Variants in CORO2B observed in about 807,000 individuals in gnomAD.
CORO2B encodes the protein coronin 2B.
Under a neutral mutation model 58.8 loss-of-function variants are expected in CORO2B, and 26 were observed. That is an observed-to-expected ratio of 0.44 (90% CI 0.32 to 0.61). The LOEUF is 0.61. CORO2B is among the 20% of genes least tolerant of loss of function. The pLI, the probability that CORO2B is intolerant of heterozygous loss-of-function variation, is 0.04. For missense variants in CORO2B, 460 were observed against 645.1 expected (o/e 0.71, Z 3.11); for synonymous variants, 242 against 253.8 (o/e 0.95, Z 0.44).
At chr15:68,637,750 C>G (rs1014267205) in intron 1 of CORO2B, among the ~76,000 whole-genome samples, 3 of 151,702 alleles carry the variant, frequency 2.0e-5, no homozygotes, top group Admixed American at 1.3e-4. Flanking sequence ...GGGCTCCCCC[C>G]ACATTACACA....
At chr15:68,549,031 C>A in the CORO2B span, among the ~76,000 whole-genome samples, 1 of 151,838 alleles carries the variant, frequency 6.6e-6, no homozygotes, top group South Asian at 2.1e-4. Context: ...CTCCTCTTTC[C>A]CAAACCATAA....
intron 1 of CORO2B, among the ~76,000 whole-genome samples, chr15:68,641,073 C>G (rs1214943746): frequency 6.6e-6 from 1 of 152,194 alleles, no homozygotes; most frequent in African/African-American, 2.4e-5. Flanking sequence ...AAAGGCCCAG[C>G]AGAGAGAATC....
chr15:68,605,658 G>C (rs2140242054), intron 1 of CORO2B, among the ~76,000 whole-genome samples: 1 of 151,460 alleles, frequency 6.6e-6, no homozygotes, highest in East Asian at 1.9e-4. Context: ...AAAGTGAAGG[G>C]AGAATGGACA....
intron 1 of CORO2B, among the ~76,000 whole-genome samples, chr15:68,644,814 T>C (rs1901368678): frequency 6.6e-6 from 1 of 152,188 alleles, no homozygotes; most frequent in African/African-American, 2.4e-5. Context: ...GGAGGGAGTC[T>C]GTATGTGTTC....
chr15:68,539,517 A>T, the CORO2B span, among the ~76,000 whole-genome samples: 1 of 151,374 alleles, frequency 6.6e-6, no homozygotes, highest in African/African-American at 2.4e-5. Context: ...CACTAAAAAT[A>T]AAAAAAAATT....
chr15:68,551,355 G>T, the CORO2B span, among the ~76,000 whole-genome samples: 1 of 152,210 alleles, frequency 6.6e-6, no homozygotes, highest in Non-Finnish European at 1.5e-5. Context: ...CTCCCCGCAG[G>T]CCCAGGCCCA....
Position 68,727,746 on chromosome 15 carries a change from G to A in CORO2B, c.*1772G>A, listed in dbSNP as rs566104631. The stretch of plus-strand genomic sequence containing the variant: ...TCCCCATTGACCTTTGTGGTCTTCT[G>A]TGATTATTTATGCTGCCTCCCAAGG... On this transcript the variant is annotated 3_prime_UTR_variant, in exon 12 of 12. Transcript: ENST00000261861. 1 of 152,168 alleles carries A rather than the reference G, an allele frequency of 6.6e-6. No individual in the cohort carries two copies. 9.4% of individuals were successfully genotyped at this position (152,168 alleles called of 1,614,324 possible). A position where few individuals can be genotyped will look rare whatever the true frequency, so the allele number is the denominator to read the frequency against.
intron 2 of CORO2B, among the ~76,000 whole-genome samples, chr15:68,692,721 C>T (rs1892412130): frequency 6.6e-6 from 1 of 150,482 alleles, no homozygotes; most frequent in Non-Finnish European, 1.5e-5. Flanking sequence ...GCAACCCTCG[C>T]CTCCTAGGTT....
chr15:68,719,290 G>A (rs533662563), intron 10 of CORO2B, 56 bp downstream of exon 10: 394 of 1,597,250 alleles, frequency 2.5e-4, no homozygotes, highest in Non-Finnish European at 2.8e-4. Flanking sequence ...TGCCTTCAGC[G>A]CAGCTCACCC....
chr15:68,672,709 C>G lies in CORO2B; in HGVS notation c.217-22431C>G, dbSNP rs144227458. 2.1e-4 allele frequency among the ~76,000 whole-genome samples: 32 copies of G among 152,278 alleles called. 1 individual carries two copies. In the East Asian group the frequency reaches 4.4e-3, roughly 21 times the overall value. ...GGTGCCTCTAGAACCAGGAAGAATC[C>G]TGTTCTGGGATGGAGTGGCCTAGGG... On this transcript the variant is annotated intron_variant, in intron 2 of 11. Coordinates refer to ENST00000261861, the MANE Select transcript of CORO2B (RefSeq NM_006091.5).
intron 1 of CORO2B, chr15:68,616,562 C>T (rs900502312): frequency 1.3e-5 from 13 of 985,436 alleles, no homozygotes; most frequent in Admixed American, 1.2e-4. Flanking sequence ...TGCTGGGTGC[C>T]GTGGGCCATT....
the CORO2B span, among the ~76,000 whole-genome samples, chr15:68,542,034 C>G: frequency 1.4e-4 from 22 of 152,214 alleles, no homozygotes; most frequent in Admixed American, 4.6e-4. Flanking sequence ...GTCACAGGGA[C>G]TGTCTCATTT....
chr15:68,582,053 T>A (rs1899439862), intron 1 of CORO2B, among the ~76,000 whole-genome samples: 1 of 152,162 alleles, frequency 6.6e-6, no homozygotes, highest in Non-Finnish European at 1.5e-5. Context: ...AGATCCTCAG[T>A]AGCACTTCTG....
At chr15:68,546,675 ATGAATGAG>A in the CORO2B span, among the ~76,000 whole-genome samples, 273 of 152,326 alleles carry the variant, frequency 1.8e-3, 3 homozygotes, top group African/African-American at 6.2e-3. Context: ...AAATGAATGA[ATGAATGAG>A]TGAATGAATA....
chr15:68,660,976 C>CTTTTTTTTTTTTTTTTTTTTTTTTTTTTT (rs57270255), intron 2 of CORO2B, among the ~76,000 whole-genome samples: 1 of 147,220 alleles, frequency 6.8e-6, no homozygotes. Flanking sequence ...TGTAATGAGT[C>CTTTTTTTTTTTTTTTTTTTTTTTTTTTTT]TTTTTTTTTT....
chr15:68,554,179 A>AT, the CORO2B span, among the ~76,000 whole-genome samples: 1 of 152,044 alleles, frequency 6.6e-6, no homozygotes, highest in Non-Finnish European at 1.5e-5. Flanking sequence ...CAAATAACAG[A>AT]TTTTGGCTTT....
chr15:68,692,991 G>A (rs1292777229), intron 2 of CORO2B, among the ~76,000 whole-genome samples: 1 of 152,050 alleles, frequency 6.6e-6, no homozygotes, highest in Non-Finnish European at 1.5e-5. Flanking sequence ...AAACCTAACT[G>A]CATCTTTCAT....
chr15:68,576,655 A>G (rs1899294293), upstream of CORO2B, among the ~76,000 whole-genome samples: 1 of 152,168 alleles, frequency 6.6e-6, no homozygotes, highest in Non-Finnish European at 1.5e-5. Flanking sequence ...GGCCCTGGAA[A>G]GGTCTTGAGC....
chr15:68,635,678 A>G (rs775022332), intron 1 of CORO2B, among the ~76,000 whole-genome samples: 10 of 152,198 alleles, frequency 6.6e-5, no homozygotes, highest in Non-Finnish European at 1.5e-4. Flanking sequence ...TCAGGACCAC[A>G]TGGAGGAAAA....
Sources: allele counts gnomAD v4.1 joint callset (sites outside exome capture counted in the v4.1 genomes callset), GRCh38; gene constraint gnomAD v4.1.1; transcripts MANE v1.5; gene names NCBI Gene and HGNC (gene_info 2026-07-23, HGNC 2026-07-21).